LRRD1: variants seen among roughly 807,000 people sequenced by gnomAD.
The protein encoded by LRRD1 is leucine-rich repeat and death domain-containing protein 1.
In LRRD1, 49 loss-of-function variants were observed where a neutral mutation model predicts 69.5. The ratio of observed to expected loss-of-function variants is 0.70; its 90% CI spans 0.56 to 0.89. The LOEUF (loss-of-function observed/expected upper bound fraction) is 0.89. Ranked by LOEUF, LRRD1 falls within the 40% of genes least tolerant of loss-of-function variation. The pLI is 0.00. For synonymous variants in LRRD1, 303 were observed against 338.9 expected, an observed-to-expected ratio of 0.89 and a Z score of 1.16; for missense variants, 853 against 956.0, an observed-to-expected ratio of 0.89 and a Z score of 1.42.
At chr7:92,146,837 G>A (rs1294543394) in intron 4 of LRRD1, among the ~76,000 whole-genome samples, 9 of 148,010 alleles carry the variant, frequency 6.1e-5, no homozygotes, top group African/African-American at 1.2e-4. Context: ...TAGGAGAATC[G>A]CTTGAATCCA....
intron 4 of LRRD1, among the ~76,000 whole-genome samples, chr7:92,148,711 C>T (rs1820393073): frequency 6.6e-6 from 1 of 152,110 alleles, no homozygotes; most frequent in Non-Finnish European, 1.5e-5. Context: ...CTAGAAAACC[C>T]CGAAAATCTT....
At chr7:92,176,241 C>T (rs896958014) in intron 1 of LRRD1, among the ~76,000 whole-genome samples, 23 of 152,160 alleles carry the variant, frequency 1.5e-4, no homozygotes, top group Middle Eastern at 3.4e-3. Context: ...ATTTCTTTTG[C>T]GATGGAGAAT....
intron 2 of LRRD1, among the ~76,000 whole-genome samples, chr7:92,160,540 G>A (rs773080614): frequency 1.3e-5 from 2 of 152,130 alleles, no homozygotes; most frequent in Non-Finnish European, 2.9e-5. Flanking sequence ...ATGAATAGGC[G>A]GCTGGGCTCG....
Position 92,164,212 on chromosome 7 carries a change from G to T in LRRD1, c.991C>A (p.Leu331Ile). 1 of 1,549,446 alleles carries T rather than the reference G, an allele frequency of 6.5e-7. No homozygotes were observed. Among genetic ancestry groups the T allele is most frequent in the Non-Finnish European group, 8.7e-7 (1 of 1,146,348 alleles). ...GTAAGCTTATTGTGATCCATTAAAA[G>T]TGTTTCTAAATTTTTAAGCTCTCTA... ...EIRELKNLET[L>I]LMDHNKLTFL... Residue 331 changes from leucine (L) to isoleucine (I), a missense_variant, in exon 2 of 6, where the codon CTT (leucine) becomes ATT (isoleucine). By Grantham distance (5) the Leu-to-Ile change is conservative. Transcript: ENST00000458448.
chr7:92,163,570 T>A lies in LRRD1; in HGVS notation c.1633A>T (p.Ile545Leu), dbSNP rs753520711. 92 of 1,531,288 alleles carry A rather than the reference T, an allele frequency of 6.0e-5. No individual in the cohort carries two copies. The highest frequency in any genetic ancestry group is 7.8e-5 in the Non-Finnish European group (89 of 1,141,004). 94.9% of individuals were successfully genotyped at this position (1,531,288 alleles called of 1,614,324 possible). The change falls in exon 2 of 6, where the codon ATA becomes TTA. Residue 545 changes from isoleucine to leucine, a missense_variant. This residue lies in a region of LRRD1 where 739 missense variants were observed against 808.0 expected (regional missense o/e 0.91). Coordinates refer to ENST00000458448, the MANE Select transcript of LRRD1 (RefSeq NM_001161528.2). ...GAAATTGATGCTGGAATTTTCTTTA[T>A]TTGGTTTTTACCAAGATCCAGGTAT... ...LKYLDLGKNQ[I>L]KKIPASISNM...
At chr7:92,142,726 A>T, downstream of LRRD1, 1 of 423,840 alleles carries the variant, frequency 2.4e-6, no homozygotes, top group Non-Finnish European at 4.7e-6. Context: ...GAAGCTGCAG[A>T]CCTTCGCAGT....
At chr7:92,144,137 T>C (rs1276355378), downstream of LRRD1, among the ~76,000 whole-genome samples, 1 of 152,236 alleles carries the variant, frequency 6.6e-6, no homozygotes, top group Non-Finnish European at 1.5e-5. Flanking sequence ...TTACTGGCCC[T>C]GGCCCTAGTT....
intron 1 of LRRD1, among the ~76,000 whole-genome samples, chr7:92,178,289 G>A (rs1039827911): frequency 1.3e-5 from 2 of 152,040 alleles, no homozygotes; most frequent in African/African-American, 4.8e-5. Flanking sequence ...CTCCAGCCTG[G>A]GCAACAAGAG....
At position 92,150,488 on chromosome 7, in the gene LRRD1, A is replaced by ATAAAT. The variant is rs1462845519; in HGVS notation, c.2278+45_2278+46insATTTA. The ATAAAT allele has an allele frequency of 4.2e-6, 6 of 1,424,816 alleles. No individual in the cohort carries two copies. The African/African-American group carries it at 7.3e-5, about 17-fold the overall frequency. The allele number at this position is 1,424,816 out of a possible 1,614,324, so 88.3% of individuals were successfully genotyped here. On this transcript the variant is annotated intron_variant, in intron 4 of 5. Transcript: ENST00000458448. ...TCCAAAAATATTAAAATAAAATAAA[A>ATAAAT]TAAAAAAGAAATGACTTGTTAGATA...
chr7:92,142,393 G>C (rs1177718866), downstream of LRRD1: 3 of 450,094 alleles, frequency 6.7e-6, no homozygotes, highest in Non-Finnish European at 1.3e-5. Context: ...TCTCTCTCTT[G>C]GCATCCAGCT....
rs1233176616 is a variant in LRRD1 at position 92,164,316 on chromosome 7, G to A, written c.887C>T (p.Pro296Leu). ...CTTTGGAAGGAAGCAGAGAGCTTTA[G>A]GAAATGTTGTTAACTGATTATATTC... ...NLEYNQLTTF[P>L]KALCFLPKLI... Residue 296 changes from proline (P) to leucine (L), a missense_variant, in exon 2 of 6, where the codon CCT becomes CTT. Pro to Leu is a moderately conservative substitution (Grantham distance 98, BLOSUM62 -3). Around this residue, in one of 3 missense-constraint regions of LRRD1, gnomAD observed 739 missense variants for 808.0 expected, o/e 0.91. Transcript: ENST00000458448. The A allele has an allele frequency of 1.9e-6, 3 of 1,550,762 alleles. No homozygotes were observed. The highest frequency in any genetic ancestry group is 2.7e-5 in the African/African-American group (2 of 72,988).
intron 3 of LRRD1, among the ~76,000 whole-genome samples, chr7:92,151,628 T>C (rs1820468859): frequency 6.6e-6 from 1 of 152,172 alleles, no homozygotes; most frequent in Non-Finnish European, 1.5e-5. Flanking sequence ...AATGTAATTT[T>C]TTCAATACCA....
At chr7:92,145,446 T>TA (rs758199999) in intron 5 of LRRD1, among the ~76,000 whole-genome samples, 2 of 150,356 alleles carry the variant, frequency 1.3e-5, no homozygotes, top group Non-Finnish European at 3.0e-5. Flanking sequence ...ATGCTTTTTT[T>TA]TTTTTTTTTT....
chr7:92,160,262 C>T (rs549170267), intron 2 of LRRD1, among the ~76,000 whole-genome samples: 1 of 152,114 alleles, frequency 6.6e-6, no homozygotes, highest in Non-Finnish European at 1.5e-5. Flanking sequence ...CAACAAGGTA[C>T]ATTCTGCATG....
At chr7:92,175,676 AAC>A (rs767771508) in intron 1 of LRRD1, among the ~76,000 whole-genome samples, 1 of 152,256 alleles carries the variant, frequency 6.6e-6, no homozygotes, top group East Asian at 1.9e-4. Flanking sequence ...AAAAAACAAA[AAC>A]AGAGTGCTTA....
chr7:92,146,243 A>T, intron 4 of LRRD1, 43 bp from the exon 5 acceptor site: 2 of 985,016 alleles, frequency 2.0e-6, no homozygotes, highest in South Asian at 3.5e-5. Flanking sequence ...TTTGAAAAAG[A>T]TAATCTATTT....
intron 1 of LRRD1, among the ~76,000 whole-genome samples, chr7:92,170,106 G>A (rs1789017147): frequency 1.3e-5 from 2 of 149,760 alleles, no homozygotes; most frequent in African/African-American, 2.5e-5. Context: ...GAAAGAGAGA[G>A]AGAGAGGAAG....
chr7:92,144,298 T>C (rs1820256057), downstream of LRRD1, among the ~76,000 whole-genome samples: 1 of 152,058 alleles, frequency 6.6e-6, no homozygotes, highest in African/African-American at 2.4e-5. Flanking sequence ...AAATCGGGGG[T>C]TGTATAAAAG....
At position 92,164,351 on chromosome 7, in the gene LRRD1, A is replaced by T; in HGVS notation, c.852T>A (p.Val284=). The T allele has an allele frequency of 6.5e-7, 1 of 1,550,200 alleles. No homozygotes were observed. The highest frequency in any genetic ancestry group is 8.7e-7 in the Non-Finnish European group (1 of 1,146,516). ...TTAACTGATTATATTCCAAATTGAG[A>T]ACCCTCAAGGTTTTTAAACTAGGCA... ...DTLPSLKTLR[V]LNLEYNQLTT... is the part of the protein sequence containing the mutation. The change falls in exon 2 of 6, where the codon GTT becomes GTA. Residue 284 remains valine (V), a synonymous_variant. Coordinates refer to ENST00000458448, the MANE Select transcript of LRRD1 (RefSeq NM_001161528.2).
Sources: allele counts gnomAD v4.1 joint callset (sites outside exome capture counted in the v4.1 genomes callset), GRCh38; gene constraint gnomAD v4.1.1; regional missense constraint gnomAD v4.1.1; transcripts MANE v1.5; gene names NCBI Gene and HGNC (gene_info 2026-07-23, HGNC 2026-07-21).